Variants in IGF1 observed in about 807,000 individuals in gnomAD.
IGF1 encodes insulin-like growth factor 1.
Under a neutral mutation model 13.8 loss-of-function variants are expected in IGF1, and 4 were observed. That is an observed-to-expected ratio of 0.29 (90% CI 0.14 to 0.66). The LOEUF is 0.66. Among genes scored for constraint, IGF1 ranks in the 30% least tolerant of loss-of-function variants. The pLI, the probability that IGF1 is intolerant of heterozygous loss-of-function variation, is 0.78. For missense variants in IGF1, 124 were observed against 188.5 expected (o/e 0.66, Z 2.00); for synonymous variants, 76 against 72.6 (o/e 1.05, Z -0.23).
intron 1 of IGF1, among the ~76,000 whole-genome samples, chr12:102,477,401 A>C (rs1486138381): frequency 6.6e-6 from 1 of 152,208 alleles, no homozygotes; most frequent in Non-Finnish European, 1.5e-5. Flanking sequence ...ATGGACATAA[A>C]ATAGAAGAGG....
At chr12:102,447,401 G>T (rs1018046764) in intron 2 of IGF1, among the ~76,000 whole-genome samples, 1 of 152,102 alleles carries the variant, frequency 6.6e-6, no homozygotes, top group Non-Finnish European at 1.5e-5. Context: ...TTATGAATCT[G>T]GGTGCTCCTG....
intron 2 of IGF1, among the ~76,000 whole-genome samples, chr12:102,426,318 G>A (rs1442448955): frequency 6.6e-6 from 1 of 152,218 alleles, no homozygotes; most frequent in Non-Finnish European, 1.5e-5. Flanking sequence ...TGAAGATTAA[G>A]TGAGAATGTA....
chr12:102,451,166 T>G (rs760200956), intron 2 of IGF1, among the ~76,000 whole-genome samples: 2 of 152,356 alleles, frequency 1.3e-5, no homozygotes, highest in African/African-American at 2.4e-5. Context: ...TTTCTATTCT[T>G]AGGACTCTTC....
At chr12:102,453,629 G>A (rs1265904415) in intron 2 of IGF1, among the ~76,000 whole-genome samples, 2 of 152,194 alleles carry the variant, frequency 1.3e-5, no homozygotes, top group Admixed American at 1.3e-4. Context: ...CTCTTATGAT[G>A]AAGTTGGAAG....
intron 2 of IGF1, among the ~76,000 whole-genome samples, chr12:102,472,277 CAG>C (rs1463400744): frequency 6.6e-6 from 1 of 152,078 alleles, no homozygotes; most frequent in East Asian, 1.9e-4. Context: ...TGTTCACAAA[CAG>C]ATAATCTAGA....
intron 3 of IGF1, chr12:102,417,800 GT>G (rs1565968655): frequency 1.2e-6 from 2 of 1,613,432 alleles, no homozygotes; most frequent in Non-Finnish European, 1.7e-6. Flanking sequence ...GCCTCTGTCT[GT>G]TTAATCCTCC....
intron 3 of IGF1, chr12:102,417,505 CTTTTA>C: frequency 1.0e-6 from 1 of 984,182 alleles, no homozygotes; most frequent in Non-Finnish European, 1.2e-6. Context: ...TATTTAAATT[CTTTTA>C]TTTAATTGTG....
Position 102,456,570 on chromosome 12 carries a change from C to T in IGF1, c.220+19073G>A, listed in dbSNP as rs189836049. Among the ~76,000 whole-genome samples the T allele has an allele frequency of 1.4e-3, 210 of 152,118 alleles. 1 individual carries two copies. The highest frequency in any genetic ancestry group is 4.8e-3 in the African/African-American group (201 of 41,516). On this transcript the variant is annotated intron_variant, in intron 2 of 3. Coordinates refer to ENST00000337514, the MANE Select transcript of IGF1 (RefSeq NM_000618.5). ...CCTATTTATAGTTCTCTTTGGCGTTCCATGCTTCTCTGTGGGAGATCTTCC... is the reference window on the plus strand; with the variant it reads ...CCTATTTATAGTTCTCTTTGGCGTTTCATGCTTCTCTGTGGGAGATCTTCC...
At chr12:102,416,201 G>A (rs1327727418) in intron 3 of IGF1, among the ~76,000 whole-genome samples, 3 of 152,204 alleles carry the variant, frequency 2.0e-5, no homozygotes, top group African/African-American at 7.2e-5. Context: ...TTCTGGGTTA[G>A]TCATATTCTT....
chr12:102,420,468 A>G lies in IGF1; in HGVS notation c.221-778T>C, dbSNP rs5742679. The stretch of plus-strand genomic sequence containing the variant: ...AATAATGCATAGCACAGCACCTGAC[A>G]TATAGTGTAAGTCGTAAGTAAATCA... On this transcript the variant is annotated intron_variant, in intron 2 of 3. Coordinates refer to ENST00000337514, the MANE Select transcript of IGF1 (RefSeq NM_000618.5). Among the ~76,000 whole-genome samples, 752 of 152,368 alleles carry G rather than the reference A, an allele frequency of 4.9e-3. 4 individuals carry two copies. Among genetic ancestry groups the G allele is most frequent in the Non-Finnish European group, 8.2e-3 (557 of 68,038 alleles).
At chr12:102,425,120 A>AT (rs1389986936) in intron 2 of IGF1, among the ~76,000 whole-genome samples, 1 of 152,184 alleles carries the variant, frequency 6.6e-6, no homozygotes, top group Non-Finnish European at 1.5e-5. Context: ...TGAAATTAGG[A>AT]TTTTTAAAAA....
chr12:102,480,209 G>A (rs184173184), intron 1 of IGF1, 110 bp downstream of exon 1: 18 of 1,047,404 alleles, frequency 1.7e-5, no homozygotes, highest in South Asian at 5.4e-5. Context: ...AATAACTCTC[G>A]GTTCCGAAAC....
intron 2 of IGF1, among the ~76,000 whole-genome samples, chr12:102,439,210 GA>G (rs1877491802): frequency 6.6e-6 from 1 of 152,222 alleles, no homozygotes. Context: ...AATGAATGGA[GA>G]AGGGGTGGCC....
rs1174502301 is a variant in IGF1, at chr12:102,401,670, T to A, written c.*837A>T. ...ATCCTGTATAATTGATATGCTAAAT[T>A]TACATAGTGCTCTATATGGAAAAAA... On this transcript the variant is annotated 3_prime_UTR_variant, in exon 4 of 4. Transcript: ENST00000337514. The A allele has an allele frequency of 6.6e-6, 1 of 152,638 alleles. No individual in the cohort carries two copies. The highest frequency in any genetic ancestry group is 1.5e-5 in the Non-Finnish European group (1 of 68,040). The allele number at this position is 152,638 out of a possible 1,614,324, so 9.5% of individuals were successfully genotyped here.
intron 3 of IGF1, among the ~76,000 whole-genome samples, chr12:102,416,334 C>T (rs572158617): frequency 6.6e-6 from 1 of 152,266 alleles, no homozygotes; most frequent in South Asian, 2.1e-4. Flanking sequence ...AGACCCCAAT[C>T]CTACTGATTA....
chr12:102,432,754 T>C (rs1427228765), intron 2 of IGF1, among the ~76,000 whole-genome samples: 1 of 152,156 alleles, frequency 6.6e-6, no homozygotes, highest in African/African-American at 2.4e-5. Flanking sequence ...GGGACTCTGG[T>C]CTCTCAACTT....
chr12:102,480,635 C>T, upstream of IGF1: 4 of 1,340,172 alleles, frequency 3.0e-6, no homozygotes, highest in Non-Finnish European at 2.9e-6. Context: ...GCTGGGGGAA[C>T]ATTTGCCTTC....
At chr12:102,429,971 A>G (rs944938302) in intron 2 of IGF1, among the ~76,000 whole-genome samples, 8 of 152,192 alleles carry the variant, frequency 5.3e-5, no homozygotes, top group African/African-American at 1.4e-4. Context: ...AGAATACGCA[A>G]TGTGAGACCT....
chr12:102,405,240 T>C (rs1228981461), intron 3 of IGF1, among the ~76,000 whole-genome samples: 16 of 125,830 alleles, frequency 1.3e-4, no homozygotes, highest in East Asian at 5.2e-4. Context: ...GCACGCGCCA[T>C]CATGCCCAGC....
Sources: allele counts gnomAD v4.1 joint callset (sites outside exome capture counted in the v4.1 genomes callset), GRCh38; gene constraint gnomAD v4.1.1; transcripts MANE v1.5; gene names NCBI Gene and HGNC (gene_info 2026-07-23, HGNC 2026-07-21).